The following TMED8 variants were observed in gnomAD, a reference collection of about 807,000 sequenced individuals.
TMED8 encodes the protein protein TMED8.
Under a neutral mutation model 32.7 loss-of-function variants are expected in TMED8, and 15 were observed. That is an observed-to-expected ratio of 0.46 (90% CI 0.31 to 0.71). The LOEUF is 0.71. Among genes scored for constraint, TMED8 ranks in the 30% least tolerant of loss-of-function variants. The probability of loss-of-function intolerance (pLI) is 0.06; values close to 1 mark genes in which losing one functional copy is unlikely to be tolerated. For missense variants in TMED8, 390 were observed against 423.9 expected (o/e 0.92, Z 0.70); for synonymous variants, 147 against 161.4 (o/e 0.91, Z 0.68).
At chr14:77,356,443 T>A (rs572784933) in intron 1 of TMED8, among the ~76,000 whole-genome samples, 3 of 152,198 alleles carry the variant, frequency 2.0e-5, no homozygotes, top group Non-Finnish European at 4.4e-5. Context: ...TAGATCACAG[T>A]AGAATGAAGA....
At position 77,376,242 on chromosome 14, in the gene TMED8, A is replaced by G. The variant is rs1438936272; in HGVS notation, c.118+694T>C. 1.3e-5 allele frequency among the ~76,000 whole-genome samples: 2 copies of G among 152,234 alleles called. No individual in the cohort carries two copies. The highest frequency in any genetic ancestry group is 2.9e-5 in the Non-Finnish European group (2 of 68,030). ...TAGAAATGGAGACGTCGTCCTGGAC[A>G]AGAAGAGGATGAGGGTCTTGAGAAT... On this transcript the variant is annotated intron_variant, in intron 1 of 5. Transcript: ENST00000216468. This position sits in a 1 kb window ranked among gnomAD's most constrained non-coding sequence, Gnocchi z 4.0.
chr14:77,376,275 G>A lies in TMED8; in HGVS notation c.118+661C>T, dbSNP rs1229388867. Among the ~76,000 whole-genome samples, 2 of 152,210 alleles carry A rather than the reference G, an allele frequency of 1.3e-5. No homozygotes were observed. Among genetic ancestry groups the A allele is most frequent in the Admixed American group, 1.3e-4 (2 of 15,284 alleles). On this transcript the variant is annotated intron_variant, in intron 1 of 5. Coordinates refer to ENST00000216468, the MANE Select transcript of TMED8 (RefSeq NM_213601.3). The surrounding 1 kb of genome is among the most constrained non-coding windows in gnomAD (Gnocchi z 4.0). Reference sequence around the variant, plus strand: ...GATGAGGGTCTTGAGAATGAGGGAGGTAGGCCAAATTTTTAATTCCTGCTC... The same window carrying A: ...GATGAGGGTCTTGAGAATGAGGGAGATAGGCCAAATTTTTAATTCCTGCTC...
intron 1 of TMED8, among the ~76,000 whole-genome samples, chr14:77,353,317 T>G (rs1893220342): frequency 6.6e-6 from 1 of 152,186 alleles, no homozygotes; most frequent in Non-Finnish European, 1.5e-5. Context: ...CTTCAAACAT[T>G]GAAAGTTTCA....
At chr14:77,348,064 T>C (rs1303965930) in intron 2 of TMED8, among the ~76,000 whole-genome samples, 1 of 152,234 alleles carries the variant, frequency 6.6e-6, no homozygotes, top group Non-Finnish European at 1.5e-5. Flanking sequence ...TCCAACTGCC[T>C]TTTATTAAGC....
intron 1 of TMED8, among the ~76,000 whole-genome samples, chr14:77,367,258 A>AAC (rs1566693781): frequency 6.0e-5 from 9 of 150,386 alleles, no homozygotes; most frequent in East Asian, 1.9e-4. Context: ...AAAAAAAAAA[A>AAC]AAAAAAAAAC....
At chr14:77,355,022 C>T (rs1390025679) in intron 1 of TMED8, among the ~76,000 whole-genome samples, 1 of 151,832 alleles carries the variant, frequency 6.6e-6, no homozygotes, top group Non-Finnish European at 1.5e-5. Flanking sequence ...TGGGCTCAAG[C>T]GGTCCTCCCA....
chr14:77,342,760 G>A (rs1892935779), intron 5 of TMED8, among the ~76,000 whole-genome samples: 1 of 152,206 alleles, frequency 6.6e-6, no homozygotes, highest in Admixed American at 6.5e-5. Flanking sequence ...GGGATAAGGA[G>A]AGAATGGATA....
chr14:77,341,561 A>G lies in TMED8; in HGVS notation c.*210T>C. The G allele has an allele frequency of 1.7e-6, 1 of 592,234 alleles. No individual in the cohort carries two copies. The highest frequency in any genetic ancestry group is 3.0e-6 in the Non-Finnish European group (1 of 331,882). The allele number at this position is 592,234 out of a possible 1,614,324, so 36.7% of individuals were successfully genotyped here. On this transcript the variant is annotated 3_prime_UTR_variant, in exon 6 of 6. Transcript: ENST00000216468. The stretch of plus-strand genomic sequence containing the variant: ...GTCTGAAGCAAGAAGGGTATGAGTC[A>G]GGGACTACAGAACAGGGGCACTACA...
chr14:77,351,510 C>G (rs1893178328), intron 2 of TMED8, among the ~76,000 whole-genome samples, 163 bp downstream of exon 2: 1 of 148,150 alleles, frequency 6.7e-6, no homozygotes, highest in Non-Finnish European at 1.5e-5. Context: ...ATCCACCCGC[C>G]TTGGCCTCCC....
At chr14:77,356,567 T>C (rs1282979501) in intron 1 of TMED8, among the ~76,000 whole-genome samples, 1 of 152,220 alleles carries the variant, frequency 6.6e-6, no homozygotes, top group African/African-American at 2.4e-5. Flanking sequence ...CCAGACATCA[T>C]TGTATCTACC....
chr14:77,372,236 A>G (rs532470578), intron 1 of TMED8, among the ~76,000 whole-genome samples: 3 of 152,350 alleles, frequency 2.0e-5, no homozygotes, highest in African/African-American at 7.2e-5. Flanking sequence ...ATATTTGACA[A>G]CTTTTTAAAT....
intron 1 of TMED8, among the ~76,000 whole-genome samples, chr14:77,357,764 T>C (rs1199545745): frequency 6.6e-6 from 1 of 152,186 alleles, no homozygotes; most frequent in Non-Finnish European, 1.5e-5. Context: ...TAAAATCTTA[T>C]AAATGCCTGT....
chr14:77,335,718 C>T lies in TMED8; in HGVS notation c.*6053G>A, dbSNP rs1036309686. 6.6e-6 allele frequency: 1 copy of T among 152,136 alleles called. No individual in the cohort carries two copies. The highest frequency in any genetic ancestry group is 1.5e-5 in the Non-Finnish European group (1 of 68,016). 9.4% of individuals were successfully genotyped at this position (152,136 alleles called of 1,614,324 possible). ...CTTCTGGGAATTTCAAAACACTTCC[C>T]GTTACGTTAAGGGAAAATGGGTACA... On this transcript the variant is annotated 3_prime_UTR_variant, in exon 6 of 6. Transcript: ENST00000216468.
chr14:77,335,511 T>C lies in TMED8; in HGVS notation c.*6260A>G, dbSNP rs1276472593. 1 of 152,260 alleles carries C rather than the reference T, an allele frequency of 6.6e-6. No individual in the cohort carries two copies. The highest frequency in any genetic ancestry group is 1.5e-5 in the Non-Finnish European group (1 of 68,044). 9.4% of individuals were successfully genotyped at this position (152,260 alleles called of 1,614,324 possible). On this transcript the variant is annotated 3_prime_UTR_variant, in exon 6 of 6. Transcript: ENST00000216468. The stretch of plus-strand genomic sequence containing the variant: ...TGCTTAAATCTTTACGAAGAAAACA[T>C]GATCATCTTTCAGTCAACTGACTGA...
At chr14:77,343,539 G>A in intron 4 of TMED8, 56 bp from the exon 5 acceptor site, 1 of 1,593,892 alleles carries the variant, frequency 6.3e-7, no homozygotes, top group Non-Finnish European at 8.6e-7. Context: ...GAGTACCCCG[G>A]GCATTTTGCT....
chr14:77,369,626 A>G (rs1893632191), intron 1 of TMED8, among the ~76,000 whole-genome samples: 1 of 152,248 alleles, frequency 6.6e-6, no homozygotes, highest in African/African-American at 2.4e-5. Flanking sequence ...CTCAGGAGAC[A>G]AAAGAGCCCC....
intron 1 of TMED8, among the ~76,000 whole-genome samples, chr14:77,358,308 C>CT (rs113410027): frequency 0.017 from 2,484 of 145,378 alleles, 81 homozygotes; most frequent in Admixed American, 0.085. Flanking sequence ...CAGGATTTTT[C>CT]TTTTTTTTTT....
chr14:77,362,194 C>CT (rs112330429), intron 1 of TMED8, among the ~76,000 whole-genome samples: 19 of 147,608 alleles, frequency 1.3e-4, no homozygotes, highest in South Asian at 2.1e-4. Flanking sequence ...AATTGTATGC[C>CT]TTTTTTTTTT....
chr14:77,348,997 A>T (rs1322523552), intron 2 of TMED8, among the ~76,000 whole-genome samples: 2 of 151,610 alleles, frequency 1.3e-5, no homozygotes, highest in Non-Finnish European at 2.9e-5. Flanking sequence ...GACACTGTGT[A>T]TCATCTGCCT....
Sources: allele counts gnomAD v4.1 joint callset (sites outside exome capture counted in the v4.1 genomes callset), GRCh38; gene constraint gnomAD v4.1.1; non-coding constraint Gnocchi (gnomAD v3.1); transcripts MANE v1.5; gene names NCBI Gene and HGNC (gene_info 2026-07-23, HGNC 2026-07-21).